Variants in CPNE4 observed in about 807,000 individuals in gnomAD.
CPNE4 encodes copine 4.
CPNE4 carries 25 observed loss-of-function variants against 67.9 expected under a neutral mutation model. The ratio of observed to expected loss-of-function variants is 0.37; its 90% CI spans 0.27 to 0.51. CPNE4 has a LOEUF of 0.51. Ranked by LOEUF, CPNE4 falls within the 20% of genes least tolerant of loss-of-function variation. The probability of loss-of-function intolerance (pLI) is 0.93; values close to 1 mark genes in which losing one functional copy is unlikely to be tolerated. For synonymous variants in CPNE4, 242 were observed against 244.9 expected (o/e 0.99, Z 0.11); for missense variants, 464 against 690.8 (o/e 0.67, Z 3.68).
At chr3:131,815,217 G>A (rs1040207277) in intron 2 of CPNE4, among the ~76,000 whole-genome samples, 1 of 152,190 alleles carries the variant, frequency 6.6e-6, no homozygotes, top group Non-Finnish European at 1.5e-5. Context: ...TTTAAAGAAT[G>A]ATATGAGGAA....
At chr3:131,878,503 T>C (rs1389241275) in intron 2 of CPNE4, among the ~76,000 whole-genome samples, 1 of 152,174 alleles carries the variant, frequency 6.6e-6, no homozygotes, top group Non-Finnish European at 1.5e-5. Context: ...AAAGAGGAAT[T>C]TTGGAAGCGC....
chr3:131,644,119 G>T (rs999656060), intron 7 of CPNE4, among the ~76,000 whole-genome samples: 7 of 151,918 alleles, frequency 4.6e-5, no homozygotes, highest in Non-Finnish European at 1.0e-4. Flanking sequence ...TGCTTTAGTA[G>T]GTCTTAGGTG....
intron 5 of CPNE4, among the ~76,000 whole-genome samples, chr3:131,696,315 A>C (rs115493817): frequency 0.018 from 2,721 of 152,256 alleles, 94 homozygotes; most frequent in African/African-American, 0.062. Context: ...TGGCATTTGG[A>C]AACAGTCTTG....
chr3:131,777,311 G>C (rs2083314253), intron 2 of CPNE4, among the ~76,000 whole-genome samples: 2 of 151,912 alleles, frequency 1.3e-5, no homozygotes, highest in South Asian at 2.1e-4. Flanking sequence ...AGACAGAAAG[G>C]GATGTGAGAT....
chr3:131,904,537 G>C (rs764805250), intron 2 of CPNE4, among the ~76,000 whole-genome samples: 1 of 152,074 alleles, frequency 6.6e-6, no homozygotes. Flanking sequence ...TCCTGGGTCA[G>C]CTCTGTCCAA....
At chr3:131,636,807 C>T (rs1307577782) in intron 7 of CPNE4, among the ~76,000 whole-genome samples, 1 of 152,202 alleles carries the variant, frequency 6.6e-6, no homozygotes, top group East Asian at 1.9e-4. Flanking sequence ...GCTACCTCCA[C>T]CAGAGCAGGT....
At chr3:131,893,579 A>G (rs751069471) in intron 2 of CPNE4, among the ~76,000 whole-genome samples, 1 of 152,040 alleles carries the variant, frequency 6.6e-6, no homozygotes, top group Non-Finnish European at 1.5e-5. Context: ...GTTAGGCCAT[A>G]AAACAAGCCT....
chr3:131,814,012 A>G (rs907295426), intron 2 of CPNE4, among the ~76,000 whole-genome samples: 11 of 152,190 alleles, frequency 7.2e-5, no homozygotes, highest in African/African-American at 2.4e-4. Context: ...AAAGGCATCA[A>G]TTTTATATGG....
chr3:131,829,473 C>T (rs2085290234), intron 2 of CPNE4, among the ~76,000 whole-genome samples: 1 of 152,182 alleles, frequency 6.6e-6, no homozygotes, highest in Admixed American at 6.5e-5. Context: ...GGGACAGTAT[C>T]TTTATACCAT....
chr3:131,812,008 C>T (rs1486800553), intron 2 of CPNE4, among the ~76,000 whole-genome samples: 6 of 151,914 alleles, frequency 3.9e-5, no homozygotes, highest in Admixed American at 3.3e-4. Context: ...GAGAGTGCGC[C>T]GTCCATGAAG....
At chr3:131,566,251 G>A (rs138741871) in intron 10 of CPNE4, among the ~76,000 whole-genome samples, 63 of 151,926 alleles carry the variant, frequency 4.1e-4, no homozygotes, top group South Asian at 3.7e-3. Flanking sequence ...TAAACTCTTC[G>A]TGACCAAAAT....
intron 2 of CPNE4, among the ~76,000 whole-genome samples, chr3:131,799,923 G>GTGTGT (rs1560339539): frequency 1.1e-3 from 49 of 44,910 alleles, no homozygotes; most frequent in Middle Eastern, 9.8e-3. Flanking sequence ...TGTGTGTTGT[G>GTGTGT]TGTGTGTGTG....
intron 1 of CPNE4, among the ~76,000 whole-genome samples, chr3:131,908,413 G>C (rs2088848093): frequency 6.6e-6 from 1 of 152,086 alleles, no homozygotes. Flanking sequence ...GTTTGTAAGT[G>C]TGTTACAAAC....
In CPNE4 at chr3:131,990,848, A is replaced by C. The variant is rs1487638389; in HGVS notation, c.-2+43719T>G. Among the ~76,000 whole-genome samples the C allele has an allele frequency of 1.5e-5, 2 of 135,274 alleles. 1 individual carries two copies. Among genetic ancestry groups the C allele is most frequent in the Non-Finnish European group, 3.4e-5 (2 of 59,568 alleles). The allele number at this position is 135,274 out of a possible 152,430, so 88.7% of individuals were successfully genotyped here. A position where few individuals can be genotyped will look rare whatever the true frequency, so the allele number is the denominator to read the frequency against. On this transcript the variant is annotated intron_variant, in intron 1 of 15. Transcript: ENST00000429747. ...ATAATCCCCATGTGTCATGGGAGGG[A>C]CCTGGTGGGAGGTAACTGAATCACG... is the stretch of plus-strand genomic sequence containing the variant.
At chr3:132,033,277 C>G (rs1167980158) in intron 1 of CPNE4, among the ~76,000 whole-genome samples, 1 of 152,212 alleles carries the variant, frequency 6.6e-6, no homozygotes, top group Non-Finnish European at 1.5e-5. Context: ...TTTAAAATCC[C>G]TGGCAAAGCA....
chr3:131,975,777 T>C lies in CPNE4; in HGVS notation c.-2+58790A>G, dbSNP rs1310326477. On this transcript the variant is annotated intron_variant, in intron 1 of 15. Coordinates refer to ENST00000429747, the MANE Select transcript of CPNE4 (RefSeq NM_130808.3). ...TTTGTGTATTCGAATCATAAACATA[T>C]ATATGCATGCATAGATATGTATGCC... Among the ~76,000 whole-genome samples the C allele has an allele frequency of 2.0e-5, 3 of 152,162 alleles. No homozygotes were observed. The East Asian group carries it at 5.8e-4, about 29-fold the overall frequency.
chr3:131,785,879 T>C (rs955639735), intron 2 of CPNE4, among the ~76,000 whole-genome samples: 5 of 152,134 alleles, frequency 3.3e-5, no homozygotes, highest in Non-Finnish European at 7.4e-5. Flanking sequence ...GTTTTATATA[T>C]TGTTATCTTG....
chr3:131,926,769 C>T (rs1012990599), intron 1 of CPNE4, among the ~76,000 whole-genome samples: 1 of 152,126 alleles, frequency 6.6e-6, no homozygotes, highest in African/African-American at 2.4e-5. Flanking sequence ...TGTTCCATTT[C>T]TCTTCTGTCT....
At chr3:131,678,451 G>A (rs761815489) in intron 6 of CPNE4, among the ~76,000 whole-genome samples, 1 of 152,100 alleles carries the variant, frequency 6.6e-6, no homozygotes, top group Non-Finnish European at 1.5e-5. Flanking sequence ...TGATTGCTCT[G>A]TCAAGAACTT....
Sources: gnomAD v4.1 joint callset for allele counts (sites outside exome capture counted in the v4.1 genomes callset) on GRCh38, gnomAD v4.1.1 for gene constraint, MANE v1.5 for transcripts, NCBI Gene and HGNC (gene_info 2026-07-23, HGNC 2026-07-21) for gene names.